Variants in CABIN1 observed in about 807,000 individuals in gnomAD.
The protein encoded by CABIN1 is calcineurin-binding protein cabin-1.
A neutral mutation model predicts 227.7 loss-of-function variants in CABIN1; 133 were observed. The ratio of observed to expected loss-of-function variants is 0.58; its 90% CI spans 0.51 to 0.67. The LOEUF (loss-of-function observed/expected upper bound fraction) is 0.67, where lower values mean the gene tolerates loss of function less well. Ranked by LOEUF, CABIN1 falls within the 30% of genes least tolerant of loss-of-function variation. The pLI, the probability that CABIN1 is intolerant of heterozygous loss-of-function variation, is 0.00. For synonymous variants in CABIN1, 1,086 were observed against 1,155.1 expected, an observed-to-expected ratio of 0.94 and a Z score of 1.21; for missense variants, 2,408 against 2,852.5, an observed-to-expected ratio of 0.84 and a Z score of 3.55.
intron 18 of CABIN1, among the ~76,000 whole-genome samples, chr22:24,075,124 G>T (rs966408845): frequency 6.6e-5 from 10 of 152,100 alleles, no homozygotes; most frequent in African/African-American, 2.4e-4. Context: ...GATGACTTGA[G>T]CCCAGGAGTT....
At chr22:24,016,791 C>T (rs532707491) in intron 1 of CABIN1, among the ~76,000 whole-genome samples, 11 of 152,296 alleles carry the variant, frequency 7.2e-5, no homozygotes, top group African/African-American at 2.4e-4. Flanking sequence ...TCCACAACCT[C>T]GCCAACAGTG....
At chr22:24,176,612 G>A (rs1362351064) in intron 35 of CABIN1, among the ~76,000 whole-genome samples, 3 of 152,216 alleles carry the variant, frequency 2.0e-5, no homozygotes, top group Non-Finnish European at 4.4e-5. Flanking sequence ...AGTGGGGAAA[G>A]AGGAGTAGGC....
Position 24,099,116 on chromosome 22 carries a change from G to T in CABIN1, c.4117+924G>T, listed in dbSNP as rs75588953. Among the ~76,000 whole-genome samples, 1,512 of 152,266 alleles carry T rather than the reference G, an allele frequency of 9.9e-3. 25 individuals are homozygous for T. Among genetic ancestry groups the T allele is most frequent in the African/African-American group, 0.034 (1,428 of 41,528 alleles). ...TCTAGGGCACCATGGTAGCCTTGAAGTTCAGTCCCAGTACAGGTCTGGGGG... is the reference window on the plus strand; with the variant it reads ...TCTAGGGCACCATGGTAGCCTTGAATTTCAGTCCCAGTACAGGTCTGGGGG... On this transcript the variant is annotated intron_variant, in intron 26 of 36. Transcript: ENST00000263119.
intron 1 of CABIN1, among the ~76,000 whole-genome samples, chr22:24,020,181 T>C (rs1055788788): frequency 1.3e-5 from 2 of 152,234 alleles, no homozygotes; most frequent in African/African-American, 4.8e-5. Context: ...TTCTGTATTT[T>C]CCTGAGTATT....
At chr22:24,019,554 C>T (rs931608615) in intron 1 of CABIN1, among the ~76,000 whole-genome samples, 1 of 151,326 alleles carries the variant, frequency 6.6e-6, no homozygotes, top group Non-Finnish European at 1.5e-5. Flanking sequence ...CATGCCCCGC[C>T]TGCTGAGTTA....
intron 24 of CABIN1, among the ~76,000 whole-genome samples, chr22:24,094,721 G>A (rs2041774243): frequency 6.6e-6 from 1 of 150,620 alleles, no homozygotes; most frequent in Non-Finnish European, 1.5e-5. Context: ...GGAGGCTGAG[G>A]CAGGAGAATG....
chr22:24,178,313 C>A lies in CABIN1; in HGVS notation c.*117C>A, dbSNP rs1283089985. 1 of 1,274,376 alleles carries A rather than the reference C, an allele frequency of 7.8e-7. No homozygotes were observed. Among genetic ancestry groups the A allele is most frequent in the Non-Finnish European group, 1.1e-6 (1 of 916,220 alleles). The allele number at this position is 1,274,376 out of a possible 1,614,324, so 78.9% of individuals were successfully genotyped here. On this transcript the variant is annotated 3_prime_UTR_variant, in exon 37 of 37. Transcript: ENST00000263119. ...CATGGATGCCACTCCCCACACAGCC[C>A]CCAGGCCTGCCCAGCCCACCTCCTC...
intron 22 of CABIN1, 48 bp downstream of exon 22, chr22:24,085,199 G>T: frequency 3.7e-6 from 6 of 1,608,780 alleles, no homozygotes; most frequent in Non-Finnish European, 5.1e-6. Flanking sequence ...GATGACTGGG[G>T]TGACTCCAGC....
intron 1 of CABIN1, among the ~76,000 whole-genome samples, chr22:24,024,511 G>A (rs1417817014): frequency 6.6e-6 from 1 of 152,142 alleles, no homozygotes; most frequent in Non-Finnish European, 1.5e-5. Flanking sequence ...CTTTGAATGT[G>A]TACTTCTTAG....
chr22:24,043,641 A>G (rs2037613529), intron 6 of CABIN1, among the ~76,000 whole-genome samples: 1 of 152,092 alleles, frequency 6.6e-6, no homozygotes, highest in Admixed American at 6.6e-5. Context: ...CATCCCAGCT[A>G]CTTGGGAGGC....
At chr22:24,175,778 C>G in intron 34 of CABIN1, 2 of 452,720 alleles carry the variant, frequency 4.4e-6, no homozygotes, top group South Asian at 4.3e-5. Flanking sequence ...ACACTGCCCC[C>G]CCATCCCCTC....
In CABIN1 at chr22:24,078,994, G is replaced by A. The variant is rs182828882; in HGVS notation, c.2748+2710G>A. On this transcript the variant is annotated intron_variant, in intron 19 of 36. Coordinates refer to ENST00000263119, the MANE Select transcript of CABIN1 (RefSeq NM_012295.4). ...CCTCTTGCAGCTTGCTTTTATTTTAGTATACTGAGATACAGTTACATTGAT... is the reference window on the plus strand; with the variant it reads ...CCTCTTGCAGCTTGCTTTTATTTTAATATACTGAGATACAGTTACATTGAT... 1.9e-3 allele frequency among the ~76,000 whole-genome samples: 287 copies of A among 152,124 alleles called. 1 individual carries two copies. The highest frequency in any genetic ancestry group is 3.5e-3 in the Non-Finnish European group (235 of 67,986).
intron 23 of CABIN1, among the ~76,000 whole-genome samples, chr22:24,089,607 T>TC (rs1176142457): frequency 1.3e-5 from 2 of 152,192 alleles, no homozygotes; most frequent in African/African-American, 4.8e-5. Context: ...CTGGGTTTTT[T>TC]CCACCTCTGG....
chr22:24,064,707 T>C (rs2146516755), intron 15 of CABIN1, among the ~76,000 whole-genome samples: 1 of 151,602 alleles, frequency 6.6e-6, no homozygotes, highest in Non-Finnish European at 1.5e-5. Context: ...GATTAGGGAG[T>C]GGTGATGACT....
chr22:24,138,123 A>G (rs2044530059), intron 29 of CABIN1, among the ~76,000 whole-genome samples: 1 of 152,214 alleles, frequency 6.6e-6, no homozygotes, highest in South Asian at 2.1e-4. Flanking sequence ...GGTGGGGGGC[A>G]CGTGCCTTCT....
At chr22:24,073,523 C>T (rs892460687) in intron 18 of CABIN1, among the ~76,000 whole-genome samples, 1 of 152,176 alleles carries the variant, frequency 6.6e-6, no homozygotes, top group Non-Finnish European at 1.5e-5. Context: ...TTATTCACTG[C>T]TCAGAAAGTT....
chr22:24,051,470 C>G (rs1340448651), intron 8 of CABIN1, among the ~76,000 whole-genome samples: 2 of 152,170 alleles, frequency 1.3e-5, no homozygotes, highest in Non-Finnish European at 2.9e-5. Flanking sequence ...GAGTCTCTCT[C>G]TCTCCAGGAA....
At chr22:24,047,331 G>T (rs2147227409) in intron 6 of CABIN1, among the ~76,000 whole-genome samples, 1 of 152,326 alleles carries the variant, frequency 6.6e-6, no homozygotes, top group South Asian at 2.1e-4. Flanking sequence ...ACTGCCTCTT[G>T]TTCTGAGATT....
intron 28 of CABIN1, among the ~76,000 whole-genome samples, chr22:24,129,401 G>A (rs1232679793): frequency 1.3e-5 from 2 of 152,128 alleles, no homozygotes; most frequent in African/African-American, 4.8e-5. Flanking sequence ...ATGGACTGTT[G>A]CTTAGCTGGC....
Sources: allele counts gnomAD v4.1 joint callset (sites outside exome capture counted in the v4.1 genomes callset), GRCh38; gene constraint gnomAD v4.1.1; transcripts MANE v1.5; gene names NCBI Gene and HGNC (gene_info 2026-07-23, HGNC 2026-07-21).